Variants in GABRG3 observed in about 807,000 individuals in gnomAD.
The protein encoded by GABRG3 is gamma-aminobutyric acid receptor subunit gamma-3.
A neutral mutation model predicts 48.8 loss-of-function variants in GABRG3; 25 were observed. The ratio of observed to expected loss-of-function variants is 0.51; its 90% CI spans 0.37 to 0.72. GABRG3 has a LOEUF of 0.72. Ranked by LOEUF, GABRG3 falls within the 30% of genes least tolerant of loss-of-function variation. The probability of loss-of-function intolerance (pLI) is 0.00; values close to 1 mark genes in which losing one functional copy is unlikely to be tolerated. For missense variants in GABRG3, 394 were observed against 577.9 expected, an observed-to-expected ratio of 0.68 and a Z score of 3.26; for synonymous variants, 227 against 217.6, an observed-to-expected ratio of 1.04 and a Z score of -0.38.
In GABRG3 at chr15:26,974,999, G is replaced by T. The variant is rs984704706; in HGVS notation, c.54-2003G>T. Among the ~76,000 whole-genome samples, 1 of 151,462 alleles carries T rather than the reference G, an allele frequency of 6.6e-6. No homozygotes were observed. Among genetic ancestry groups the T allele is most frequent in the Non-Finnish European group, 1.5e-5 (1 of 67,904 alleles). On this transcript the variant is annotated intron_variant, in intron 1 of 9. Transcript: ENST00000615808. The surrounding 1 kb of genome is among the most constrained non-coding windows in gnomAD (Gnocchi z 4.3). ...AGCAATTCTCTTGCCTCAGCCTCCT[G>T]AATAGCCAGGACTACAGGCATGTGC...
At chr15:27,128,241 C>T (rs186581580) in intron 3 of GABRG3, among the ~76,000 whole-genome samples, 10 of 152,262 alleles carry the variant, frequency 6.6e-5, no homozygotes, top group Admixed American at 5.2e-4. Context: ...TAGTGCTTGG[C>T]GTCCATATCT....
intron 5 of GABRG3, among the ~76,000 whole-genome samples, chr15:27,479,603 C>T (rs750713389): frequency 3.3e-5 from 5 of 152,230 alleles, no homozygotes; most frequent in Non-Finnish European, 7.3e-5. Flanking sequence ...AATATGTTTG[C>T]ATACATATGT....
intron 5 of GABRG3, among the ~76,000 whole-genome samples, chr15:27,450,542 G>C (rs1268266710): frequency 6.6e-6 from 1 of 152,012 alleles, no homozygotes; most frequent in Admixed American, 6.6e-5. Context: ...CAACAAATTA[G>C]GTGTAGAAAA....
intron 2 of GABRG3, among the ~76,000 whole-genome samples, chr15:26,994,848 T>C (rs879818782): frequency 1.6e-4 from 24 of 151,876 alleles, no homozygotes; most frequent in Non-Finnish European, 2.8e-4. Context: ...TTAAAATTTA[T>C]TGAGGCTTGT....
At chr15:27,002,642 C>CTCATGTCT (rs1231760995) in intron 2 of GABRG3, among the ~76,000 whole-genome samples, 2 of 150,176 alleles carry the variant, frequency 1.3e-5, no homozygotes, top group South Asian at 4.2e-4. Flanking sequence ...GGACATGGGG[C>CTCATGTCT]TCATGTCTAT....
At chr15:27,141,414 G>C (rs561993670) in intron 3 of GABRG3, among the ~76,000 whole-genome samples, 1 of 152,200 alleles carries the variant, frequency 6.6e-6, no homozygotes, top group South Asian at 2.1e-4. Context: ...ATATTTCTAG[G>C]GCTCTCTGGT....
At chr15:27,267,352 C>A (rs555826643) in intron 3 of GABRG3, among the ~76,000 whole-genome samples, 463 of 152,166 alleles carry the variant, frequency 3.0e-3, no homozygotes, top group African/African-American at 0.011. Flanking sequence ...GATGATCTGC[C>A]TGCCTCAGTC....
At chr15:27,402,593 G>A (rs1303050299) in intron 5 of GABRG3, among the ~76,000 whole-genome samples, 4 of 152,176 alleles carry the variant, frequency 2.6e-5, no homozygotes, top group South Asian at 2.1e-4. Flanking sequence ...TCCAGGATGG[G>A]AAGCTCAGCA....
chr15:27,008,603 A>G lies in GABRG3; in HGVS notation c.203-18151A>G, dbSNP rs556606921. Among the ~76,000 whole-genome samples, 281 of 151,666 alleles carry G rather than the reference A, an allele frequency of 1.9e-3. 1 individual carries two copies. The highest frequency in any genetic ancestry group is 2.9e-3 in the Non-Finnish European group (197 of 67,958). On this transcript the variant is annotated intron_variant, in intron 2 of 9. Transcript: ENST00000615808. ...AATCTGGCTGTTTTCTTAAATTCCC[A>G]TATTGCTTGTCTAAATATCAGGTGC...
intron 5 of GABRG3, among the ~76,000 whole-genome samples, chr15:27,469,831 G>A (rs890416309): frequency 6.6e-6 from 1 of 152,098 alleles, no homozygotes; most frequent in Admixed American, 6.5e-5. Context: ...GCTTCAAGTT[G>A]AACTCTTGGG....
At chr15:27,298,028 C>T (rs965652235) in intron 3 of GABRG3, among the ~76,000 whole-genome samples, 14 of 151,942 alleles carry the variant, frequency 9.2e-5, no homozygotes, top group African/African-American at 3.1e-4. Flanking sequence ...CAGAAAATAT[C>T]CACTTAATCC....
chr15:27,182,470 A>C (rs1887962320), intron 3 of GABRG3, among the ~76,000 whole-genome samples: 1 of 152,200 alleles, frequency 6.6e-6, no homozygotes, highest in Admixed American at 6.5e-5. Flanking sequence ...GTTTAAAAGC[A>C]TGTAGCAGGA....
intron 3 of GABRG3, among the ~76,000 whole-genome samples, chr15:27,139,865 T>C (rs1898073220): frequency 6.6e-6 from 1 of 152,186 alleles, no homozygotes; most frequent in Middle Eastern, 3.4e-3. Context: ...CCCCAACCAC[T>C]GGGGAGCAGA....
rs528632085 is a variant in GABRG3 at position 27,272,232 on chromosome 15, A to C, written c.271-54577A>C. ...AAAAGGAGTTTTAGCTATTCTCACA[A>C]GGGTGAGCTTTAAGGTTCATGGAAG... On this transcript the variant is annotated intron_variant, in intron 3 of 9. Transcript: ENST00000615808. Among the ~76,000 whole-genome samples, 53 of 152,334 alleles carry C rather than the reference A, an allele frequency of 3.5e-4. 3 individuals are homozygous for C. In the South Asian group the frequency reaches 0.011, roughly 31 times the overall value.
intron 3 of GABRG3, among the ~76,000 whole-genome samples, chr15:27,285,978 G>A (rs1008539848): frequency 6.6e-6 from 1 of 152,232 alleles, no homozygotes; most frequent in East Asian, 1.9e-4. Context: ...TAGGATCTTC[G>A]TAAATATTTG....
intron 3 of GABRG3, among the ~76,000 whole-genome samples, chr15:27,048,717 A>T (rs1159748625): frequency 6.6e-6 from 1 of 152,128 alleles, no homozygotes. Context: ...AAATTTCCTT[A>T]TACTTAAATC....
At chr15:27,112,457 TG>T (rs1334840948) in intron 3 of GABRG3, among the ~76,000 whole-genome samples, 8 of 151,028 alleles carry the variant, frequency 5.3e-5, no homozygotes, top group African/African-American at 1.7e-4. Flanking sequence ...TTTTTTTTTT[TG>T]GTATGGGGTC....
intron 6 of GABRG3, among the ~76,000 whole-genome samples, chr15:27,486,666 C>T (rs1890228062): frequency 6.6e-6 from 1 of 152,124 alleles, no homozygotes; most frequent in Non-Finnish European, 1.5e-5. Flanking sequence ...ATTCCTCTGA[C>T]CCATCCACGC....
intron 2 of GABRG3, among the ~76,000 whole-genome samples, chr15:26,984,852 C>T (rs12900861): frequency 0.39 from 59,352 of 152,024 alleles, 12,768 homozygotes; most frequent in Middle Eastern, 0.56. Flanking sequence ...CTGGGAAAAA[C>T]AGAAGGTTAC....
Sources: allele counts gnomAD v4.1 joint callset (sites outside exome capture counted in the v4.1 genomes callset), GRCh38; gene constraint gnomAD v4.1.1; non-coding constraint Gnocchi (gnomAD v3.1); transcripts MANE v1.5; gene names NCBI Gene and HGNC (gene_info 2026-07-23, HGNC 2026-07-21).